STXBP5: variants seen among roughly 807,000 people sequenced by gnomAD.
STXBP5 encodes syntaxin binding protein 5, also known as syntaxin-binding protein 5.
Under a neutral mutation model 152.4 loss-of-function variants are expected in STXBP5, and 50 were observed. The ratio of observed to expected loss-of-function variants is 0.33; its 90% CI spans 0.26 to 0.42. STXBP5 has a LOEUF of 0.42. Among genes scored for constraint, STXBP5 ranks in the 10% least tolerant of loss-of-function variants. The pLI is 1.00. For synonymous variants in STXBP5, 492 were observed against 494.7 expected, an observed-to-expected ratio of 0.99 and a Z score of 0.07; for missense variants, 1,167 against 1,388.6, an observed-to-expected ratio of 0.84 and a Z score of 2.54.
At chr6:147,226,433 G>A (rs988674820) in intron 2 of STXBP5, among the ~76,000 whole-genome samples, 1 of 152,168 alleles carries the variant, frequency 6.6e-6, no homozygotes, top group Non-Finnish European at 1.5e-5. Flanking sequence ...AGATTACCAC[G>A]TTCCTATTAC....
At chr6:147,366,399 A>G (rs1785292257) in intron 25 of STXBP5, among the ~76,000 whole-genome samples, 14 of 152,264 alleles carry the variant, frequency 9.2e-5, no homozygotes, top group Admixed American at 9.2e-4. Context: ...TAAAACCAGT[A>G]GAAAATTACT....
intron 2 of STXBP5, among the ~76,000 whole-genome samples, chr6:147,210,780 C>T (rs986570570): frequency 1.3e-5 from 2 of 152,140 alleles, no homozygotes; most frequent in Middle Eastern, 3.4e-3. Flanking sequence ...GTAGCTTTTA[C>T]GATCATGAAG....
chr6:147,362,164 G>T (rs148519473), intron 23 of STXBP5, among the ~76,000 whole-genome samples: 10,459 of 152,074 alleles, frequency 0.069, 486 homozygotes, highest in African/African-American at 0.12. Flanking sequence ...TCAATAGAAG[G>T]CTGCAACCTT....
chr6:147,269,524 GA>G (rs551607369), intron 7 of STXBP5, among the ~76,000 whole-genome samples: 248 of 151,988 alleles, frequency 1.6e-3, no homozygotes, highest in Non-Finnish European at 3.1e-3. Context: ...ATAATGAGAA[GA>G]AAATGAAAAT....
intron 2 of STXBP5, among the ~76,000 whole-genome samples, chr6:147,208,820 T>C (rs1291562545): frequency 6.6e-6 from 1 of 152,160 alleles, no homozygotes; most frequent in African/African-American, 2.4e-5. Flanking sequence ...AAGAAAGATA[T>C]ATCTGATAGC....
In STXBP5 at chr6:147,316,283, G is replaced by T; in HGVS notation, c.1678G>T (p.Glu560Ter). 6.2e-7 allele frequency: 1 copy of T among 1,613,948 alleles called. No individual in the cohort carries two copies. Among genetic ancestry groups the T allele is most frequent in the Non-Finnish European group, 8.5e-7 (1 of 1,179,972 alleles). Residue 560 changes from glutamate (E) to a stop codon, truncating the protein, a stop_gained, in exon 16 of 28, where the codon GAG becomes TAG. Coordinates refer to ENST00000321680, the MANE Select transcript of STXBP5 (RefSeq NM_001127715.4). LOFTEE classifies it high-confidence loss of function. ...EINDVETPEG[E>*]QPPPLPTPVG... Reference sequence around the variant, plus strand: ...AAATGATGTGGAAACTCCGGAGGGTGAGCAGCCACCACCTTTGCCAACACC... The same window carrying T: ...AAATGATGTGGAAACTCCGGAGGGTTAGCAGCCACCACCTTTGCCAACACC...
At chr6:147,259,794 C>G (rs965861063) in intron 4 of STXBP5, among the ~76,000 whole-genome samples, 1 of 148,444 alleles carries the variant, frequency 6.7e-6, no homozygotes, top group African/African-American at 2.5e-5. Flanking sequence ...TTTTTTTTAA[C>G]TAAAAATAAG....
At chr6:147,218,487 T>A (rs1777293928) in intron 2 of STXBP5, among the ~76,000 whole-genome samples, 2 of 152,174 alleles carry the variant, frequency 1.3e-5, no homozygotes, top group South Asian at 4.1e-4. Context: ...TTTTTGGTTT[T>A]TTTTTCTTTT....
Position 147,350,461 on chromosome 6 carries a change from T to C in STXBP5, c.2255-2862T>C, listed in dbSNP as rs117631157. On this transcript the variant is annotated intron_variant, in intron 21 of 27. Transcript: ENST00000321680. ...TAAACGTTCCTAATTGATTAAAATA[T>C]GTATTTAACGTTTAATGTATTCAGA... 8.6e-3 allele frequency among the ~76,000 whole-genome samples: 1,314 copies of C among 152,256 alleles called. 9 individuals are homozygous for C. The highest frequency in any genetic ancestry group is 0.013 in the Non-Finnish European group (874 of 67,984).
chr6:147,372,626 G>T (rs546292573), intron 25 of STXBP5, among the ~76,000 whole-genome samples: 3 of 150,940 alleles, frequency 2.0e-5, no homozygotes, highest in African/African-American at 4.9e-5. Flanking sequence ...GTAGAGACAG[G>T]GTTTCACCAT....
Position 147,250,733 on chromosome 6 carries a change from G to C in STXBP5, c.432-9882G>C, listed in dbSNP as rs116189639. ...ATAGAAAAATTGTATCCTATTGTTGGATGTATCATGACAGTTCTGCTGTTT... is the reference window on the plus strand; with the variant it reads ...ATAGAAAAATTGTATCCTATTGTTGCATGTATCATGACAGTTCTGCTGTTT... On this transcript the variant is annotated intron_variant, in intron 4 of 27. Transcript: ENST00000321680. 5.5e-3 allele frequency among the ~76,000 whole-genome samples: 842 copies of C among 151,994 alleles called. 7 individuals are homozygous for C. Among genetic ancestry groups the C allele is most frequent in the African/African-American group, 0.019 (790 of 41,440 alleles).
chr6:147,252,237 T>C (rs1779133537), intron 4 of STXBP5, among the ~76,000 whole-genome samples: 1 of 152,028 alleles, frequency 6.6e-6, no homozygotes. Flanking sequence ...GTTTGACGAA[T>C]TGACAGAAGT....
intron 3 of STXBP5, among the ~76,000 whole-genome samples, chr6:147,237,774 ATTC>A (rs914788080): frequency 6.6e-6 from 1 of 152,190 alleles, no homozygotes; most frequent in African/African-American, 2.4e-5. Context: ...AGCTGTTTTA[ATTC>A]TTCTGAGTAG....
In STXBP5 at chr6:147,245,025, G is replaced by C. The variant is rs932598801; in HGVS notation, c.431+5755G>C. ...TTTTTTTTTTTTAGAGGGAATCTTG[G>C]TCTGTTGCCCAGGCTGGAGTTCAGT... On this transcript the variant is annotated intron_variant, in intron 4 of 27. Coordinates refer to ENST00000321680, the MANE Select transcript of STXBP5 (RefSeq NM_001127715.4). 3.8e-5 allele frequency among the ~76,000 whole-genome samples: 5 copies of C among 132,944 alleles called. No homozygotes were observed. In the South Asian group the frequency reaches 1.2e-3, roughly 31 times the overall value. 87.2% of individuals were successfully genotyped at this position (132,944 alleles called of 152,430 possible). A position where few individuals can be genotyped will look rare whatever the true frequency, so the allele number is the denominator to read the frequency against.
At chr6:147,372,579 C>T (rs1313530210) in intron 25 of STXBP5, among the ~76,000 whole-genome samples, 9 of 150,962 alleles carry the variant, frequency 6.0e-5, no homozygotes, top group Non-Finnish European at 1.0e-4. Flanking sequence ...GGATTACAGG[C>T]GCAGGCCACC....
chr6:147,334,040 T>C, intron 18 of STXBP5, 117 bp from the exon 19 acceptor site: 1 of 932,386 alleles, frequency 1.1e-6, no homozygotes, highest in Non-Finnish European at 1.6e-6. Context: ...TACCACAGTC[T>C]GTTAATTTAT....
chr6:147,382,885 T>A lies in STXBP5; in HGVS notation c.3301T>A (p.Leu1101Ile). 3.7e-6 allele frequency: 6 copies of A among 1,613,518 alleles called. No homozygotes were observed. The highest frequency in any genetic ancestry group is 5.1e-6 in the Non-Finnish European group (6 of 1,179,700). ...GGCAGCATCTGGAGTTGTTGGTGAA[T>A]TAGCACGAGCCAGGCTGGCACTAGA... ...KGAASGVVGE[L>I]ARARLALDER... The change falls in exon 27 of 28, where the codon TTA (leucine) becomes ATA (isoleucine). Residue 1101 changes from leucine (L) to isoleucine (I), a missense_variant. Transcript: ENST00000321680.
At chr6:147,307,620 C>T (rs1385222656) in intron 9 of STXBP5, among the ~76,000 whole-genome samples, 3 of 152,080 alleles carry the variant, frequency 2.0e-5, no homozygotes, top group Non-Finnish European at 4.4e-5. Context: ...AACATATAAC[C>T]TGTGAAGGCT....
At chr6:147,282,595 A>T (rs9322096) in intron 8 of STXBP5, among the ~76,000 whole-genome samples, 2 of 152,200 alleles carry the variant, frequency 1.3e-5, no homozygotes, top group African/African-American at 4.8e-5. Flanking sequence ...TCAGTGGGCC[A>T]TAGATTCTGC....
Sources: gnomAD v4.1 joint callset for allele counts (sites outside exome capture counted in the v4.1 genomes callset) on GRCh38, gnomAD v4.1.1 for gene constraint, MANE v1.5 for transcripts, NCBI Gene and HGNC (gene_info 2026-07-23, HGNC 2026-07-21) for gene names.